Variants in CAST observed in about 807,000 individuals in gnomAD.
CAST encodes calpastatin.
CAST carries 76 observed loss-of-function variants against 119.6 expected under a neutral mutation model. The ratio of observed to expected loss-of-function variants is 0.64; its 90% confidence interval spans 0.53 to 0.77. The LOEUF (loss-of-function observed/expected upper bound fraction) is 0.77. CAST is among the 30% of genes least tolerant of loss of function. CAST has a pLI of 0.00. For missense variants in CAST, 953 were observed against 946.5 expected, an observed-to-expected ratio of 1.01 and a Z score of -0.09; for synonymous variants, 319 against 331.6, an observed-to-expected ratio of 0.96 and a Z score of 0.41.
the CAST span, among the ~76,000 whole-genome samples, chr5:96,299,168 C>T: frequency 1.3e-5 from 2 of 151,878 alleles, no homozygotes; most frequent in Admixed American, 1.3e-4. Flanking sequence ...TTGCTTGAAC[C>T]CGGGAAGCAG....
Position 96,614,912 on chromosome 5 carries a change from TG to T in CAST, c.61-60623del, listed in dbSNP as rs550091345. 9.5e-5 allele frequency among the ~76,000 whole-genome samples: 13 copies of T among 136,786 alleles called. No individual in the cohort carries two copies. In the East Asian group the frequency reaches 2.5e-3, roughly 26 times the overall value. 89.7% of individuals were successfully genotyped at this position (136,786 alleles called of 152,430 possible). On this transcript the variant is annotated intron_variant, in intron 1 of 11. Coordinates refer to the CAST transcript ENST00000505143. Reference sequence around the variant, plus strand: ...TACTTAAAAGCAATAATTTGGGCACTGGGGAGGCCCTCAGCGCTGCCTTGAG... The same window carrying T: ...TACTTAAAAGCAATAATTTGGGCACTGGGAGGCCCTCAGCGCTGCCTTGAG...
intron 3 of CAST, among the ~76,000 whole-genome samples, chr5:96,717,719 G>A (rs566649666): frequency 2.0e-4 from 31 of 152,236 alleles, no homozygotes; most frequent in Non-Finnish European, 3.8e-4. Context: ...TGTGGTGCTC[G>A]TGAGATGGTA....
rs111531845 is a variant in CAST, at chr5:96,763,892, A to T, written c.1933-1329A>T. Among the ~76,000 whole-genome samples the T allele has an allele frequency of 4.7e-3, 714 of 151,988 alleles. 5 individuals are homozygous for T. Among genetic ancestry groups the T allele is most frequent in the African/African-American group, 0.016 (677 of 41,446 alleles). On this transcript the variant is annotated intron_variant, in intron 25 of 31. Transcript: ENST00000675179. Reference sequence around the variant, plus strand: ...AGGGAAAAGCTTTATCAGTCCCAAGACCTGGGTTCTATTCACTTTTTAACA... The same window carrying T: ...AGGGAAAAGCTTTATCAGTCCCAAGTCCTGGGTTCTATTCACTTTTTAACA...
At chr5:96,297,679 A>G in the CAST span, among the ~76,000 whole-genome samples, 1 of 152,204 alleles carries the variant, frequency 6.6e-6, no homozygotes, top group Non-Finnish European at 1.5e-5. Context: ...GGCAAAGATG[A>G]ACTAGGCTCA....
At chr5:96,088,286 C>T in the CAST span, among the ~76,000 whole-genome samples, 1 of 152,324 alleles carries the variant, frequency 6.6e-6, no homozygotes, top group Admixed American at 6.5e-5. Context: ...ACAAATTACC[C>T]CTCATGTCAG....
chr5:96,697,842 A>T (rs1054950121), intron 3 of CAST, among the ~76,000 whole-genome samples: 2 of 152,164 alleles, frequency 1.3e-5, no homozygotes, highest in African/African-American at 2.4e-5. Flanking sequence ...ATAAATACTA[A>T]CACTTAGGCC....
chr5:96,591,533 A>G (rs970755983), intron 1 of CAST, among the ~76,000 whole-genome samples: 9 of 152,208 alleles, frequency 5.9e-5, no homozygotes, highest in African/African-American at 2.2e-4. Context: ...ACAATAAAGG[A>G]GGCAATTAAT....
At chr5:96,485,988 G>C in the CAST span, among the ~76,000 whole-genome samples, 1 of 152,050 alleles carries the variant, frequency 6.6e-6, no homozygotes, top group Non-Finnish European at 1.5e-5. Flanking sequence ...AAATTAGATT[G>C]GTGGTCCCTG....
chr5:96,502,669 A>G, the CAST span, among the ~76,000 whole-genome samples: 1 of 112,454 alleles, frequency 8.9e-6, no homozygotes, highest in Middle Eastern at 4.7e-3. Flanking sequence ...TCTTTCTTCT[A>G]TCCATCTAAA....
the CAST span, among the ~76,000 whole-genome samples, chr5:96,214,619 AG>A: frequency 6.6e-6 from 1 of 152,234 alleles, no homozygotes; most frequent in Non-Finnish European, 1.5e-5. Flanking sequence ...AGAATAAGAT[AG>A]ACAAGGTCTC....
Position 96,555,123 on chromosome 5 carries a change from T to C in CAST, c.60+25243T>C, listed in dbSNP as rs1054318947. 2.0e-5 allele frequency among the ~76,000 whole-genome samples: 3 copies of C among 152,328 alleles called. No individual in the cohort carries two copies. The South Asian group carries it at 6.2e-4, about 32-fold the overall frequency. ...CACACGTATGTTTATTGTGGCACTA[T>C]TCACAATAGCAAAGACTTGTAACCA... On this transcript the variant is annotated intron_variant, in intron 1 of 11. Coordinates refer to the CAST transcript ENST00000505143.
At chr5:96,476,964 C>T in the CAST span, among the ~76,000 whole-genome samples, 1 of 150,184 alleles carries the variant, frequency 6.7e-6, no homozygotes, top group Admixed American at 6.7e-5. Context: ...ATTATCAGAG[C>T]CCTTTTAATT....
the CAST span, among the ~76,000 whole-genome samples, chr5:96,100,847 A>G: frequency 6.6e-6 from 1 of 152,162 alleles, no homozygotes; most frequent in East Asian, 1.9e-4. Flanking sequence ...CTAAATTGCT[A>G]TGTAAATAAT....
At chr5:96,142,418 A>C in the CAST span, among the ~76,000 whole-genome samples, 1 of 152,148 alleles carries the variant, frequency 6.6e-6, no homozygotes, top group East Asian at 1.9e-4. Flanking sequence ...CATCTCAAAA[A>C]AATTTTTGAG....
At chr5:96,496,246 T>G in the CAST span, among the ~76,000 whole-genome samples, 1 of 152,226 alleles carries the variant, frequency 6.6e-6, no homozygotes, top group Non-Finnish European at 1.5e-5. Flanking sequence ...ATTTTGTTGT[T>G]ACTCTATTAT....
intron 1 of CAST, among the ~76,000 whole-genome samples, chr5:96,628,448 G>T (rs557524578): frequency 6.6e-6 from 1 of 152,168 alleles, no homozygotes; most frequent in Non-Finnish European, 1.5e-5. Flanking sequence ...TCCTTGAAAC[G>T]TGCCCTAATA....
the CAST span, among the ~76,000 whole-genome samples, chr5:96,503,643 T>G: frequency 6.6e-6 from 1 of 152,084 alleles, no homozygotes; most frequent in Non-Finnish European, 1.5e-5. Flanking sequence ...GAAGTGCCAG[T>G]GTTCAGAAAC....
At chr5:96,694,283 A>G (rs186387389) in intron 2 of CAST, among the ~76,000 whole-genome samples, 15 of 152,250 alleles carry the variant, frequency 9.9e-5, no homozygotes, top group African/African-American at 1.7e-4. Flanking sequence ...TGTATTCAAT[A>G]TTTACAGTAC....
the CAST span, among the ~76,000 whole-genome samples, chr5:96,038,322 T>G: frequency 6.6e-6 from 1 of 152,120 alleles, no homozygotes; most frequent in African/African-American, 2.4e-5. Flanking sequence ...TTAAATGTTT[T>G]ATGTAGATAT....
Sources: gnomAD v4.1 joint callset for allele counts (sites outside exome capture counted in the v4.1 genomes callset) on GRCh38, gnomAD v4.1.1 for gene constraint, MANE v1.5 for transcripts, NCBI Gene and HGNC (gene_info 2026-07-23, HGNC 2026-07-21) for gene names.